FAM162A: variants seen among roughly 807,000 people sequenced by gnomAD.
The protein encoded by FAM162A is protein FAM162A.
A neutral mutation model predicts 21.8 loss-of-function variants in FAM162A; 23 were observed. The observed-to-expected ratio is 1.05, with a 90% CI of 0.76 to 1.49. FAM162A has a LOEUF of 1.49. FAM162A is among the 40% of genes most tolerant of loss of function. The probability of loss-of-function intolerance (pLI) is 0.00; values close to 1 mark genes in which losing one functional copy is unlikely to be tolerated. For missense variants in FAM162A, 165 were observed against 186.4 expected (o/e 0.89, Z 0.67); for synonymous variants, 53 against 61.3 (o/e 0.86, Z 0.64).
At chr3:122,389,387 A>AGG (rs2075589191) in intron 1 of FAM162A, among the ~76,000 whole-genome samples, 1 of 46,152 alleles carries the variant, frequency 2.2e-5, no homozygotes, top group Non-Finnish European at 5.1e-5. Context: ...AGATGGATAG[A>AGG]TAGATAGATA....
At chr3:122,385,294 G>T (rs1175014916) in intron 1 of FAM162A, among the ~76,000 whole-genome samples, 1 of 152,106 alleles carries the variant, frequency 6.6e-6, no homozygotes, top group African/African-American at 2.4e-5. Flanking sequence ...GTAGAGAATG[G>T]ACTGGAAAAC....
At chr3:122,389,568 T>C (rs1430822392) in intron 1 of FAM162A, among the ~76,000 whole-genome samples, 2 of 152,304 alleles carry the variant, frequency 1.3e-5, no homozygotes, top group African/African-American at 2.4e-5. Flanking sequence ...ACATTACTTA[T>C]AACACTGAAA....
At chr3:122,389,114 T>C (rs1243610396) in intron 1 of FAM162A, among the ~76,000 whole-genome samples, 3 of 152,130 alleles carry the variant, frequency 2.0e-5, no homozygotes, top group Admixed American at 6.5e-5. Context: ...GTAATTTTAG[T>C]AAAATGATTG....
Position 122,407,303 on chromosome 3 carries a change from A to G in FAM162A, c.286A>G (p.Lys96Glu), listed in dbSNP as rs755576427. 8.1e-6 allele frequency: 13 copies of G among 1,613,960 alleles called. No individual in the cohort carries two copies. The highest frequency in any genetic ancestry group is 1.1e-5 in the Non-Finnish European group (13 of 1,179,956). Residue 96 changes from lysine to glutamate, a missense_variant, in exon 4 of 5, where the codon AAG becomes GAG. Lys to Glu is a moderately conservative substitution (Grantham distance 56). Transcript: ENST00000477892. ...TVSLEMLDAA[K>E]NKMRVKISYL... ...TAGGTTGGAGATGCTTGATGCTGCA[A>G]AGAACAAGATGCGAGTGAAGATCAG...
intron 1 of FAM162A, among the ~76,000 whole-genome samples, chr3:122,386,945 T>G (rs557031373): frequency 6.6e-6 from 1 of 152,294 alleles, no homozygotes; most frequent in South Asian, 2.1e-4. Flanking sequence ...TTCATGCTCT[T>G]TAAGTTAAAA....
chr3:122,385,452 AT>A (rs2075570800), intron 1 of FAM162A, among the ~76,000 whole-genome samples: 1 of 152,234 alleles, frequency 6.6e-6, no homozygotes, highest in Non-Finnish European at 1.5e-5. Context: ...TCCTATTAAC[AT>A]TATGAAGCTT....
At chr3:122,401,117 AAC>A (rs1442399655) in intron 1 of FAM162A, among the ~76,000 whole-genome samples, 1 of 149,368 alleles carries the variant, frequency 6.7e-6, no homozygotes, top group East Asian at 2.0e-4. Flanking sequence ...TTTTTCATAA[AAC>A]AGTGATTTTC....
At chr3:122,396,611 C>T (rs897829748) in intron 1 of FAM162A, among the ~76,000 whole-genome samples, 1 of 152,118 alleles carries the variant, frequency 6.6e-6, no homozygotes, top group African/African-American at 2.4e-5. Context: ...AATTATATCA[C>T]CCAGTTGTTT....
intron 1 of FAM162A, among the ~76,000 whole-genome samples, chr3:122,396,946 T>G (rs2075631284): frequency 1.2e-5 from 1 of 80,314 alleles, no homozygotes; most frequent in African/African-American, 4.9e-5. Flanking sequence ...CTTTTAGGGT[T>G]GGGGGAAGGA....
At chr3:122,392,987 C>T (rs62271973) in intron 1 of FAM162A, among the ~76,000 whole-genome samples, 2,382 of 152,192 alleles carry the variant, frequency 0.016, 28 homozygotes, top group Non-Finnish European at 0.025. Flanking sequence ...TTCCATTTAA[C>T]CCTCAAATCA....
In FAM162A at chr3:122,386,374, C is replaced by A. The variant is rs550170768; in HGVS notation, c.34+2075C>A. On this transcript the variant is annotated intron_variant, in intron 1 of 4. Transcript: ENST00000477892. ...GACCAGCCTGGCTAACTTAGCAAGA[C>A]CCTGTCTCTACAAAAAAAACTTTTA... Among the ~76,000 whole-genome samples, 12 of 152,014 alleles carry A rather than the reference C, an allele frequency of 7.9e-5. No individual in the cohort carries two copies. The East Asian group carries it at 2.1e-3, about 27-fold the overall frequency.
intron 1 of FAM162A, among the ~76,000 whole-genome samples, chr3:122,400,797 AGCCTGG>A (rs1251405554): frequency 6.6e-6 from 1 of 152,154 alleles, no homozygotes; most frequent in Non-Finnish European, 1.5e-5. Context: ...ACTGCACTCC[AGCCTGG>A]GCACCAAGAG....
intron 4 of FAM162A, among the ~76,000 whole-genome samples, chr3:122,409,096 GTTTCACTA>G (rs1426675984): frequency 6.7e-6 from 1 of 150,070 alleles, no homozygotes; most frequent in Admixed American, 6.7e-5. Flanking sequence ...TAGGGTGCTA[GTTTCACTA>G]TTTGGTATAA....
chr3:122,400,085 C>T (rs997593293), intron 1 of FAM162A, among the ~76,000 whole-genome samples: 4 of 152,090 alleles, frequency 2.6e-5, no homozygotes, highest in Admixed American at 2.6e-4. Context: ...GCCTGGGCAA[C>T]AAGAGCAAAA....
rs193116308 is a variant in FAM162A, at chr3:122,406,192, G to A, written c.264-1089G>A. Among the ~76,000 whole-genome samples, 24 of 152,280 alleles carry A rather than the reference G, an allele frequency of 1.6e-4. No individual in the cohort carries two copies. In the East Asian group the frequency reaches 4.4e-3, roughly 28 times the overall value. ...ATCACTTCCTATTTACACATCTACT[G>A]AGAAGGCCATAAGTTAATCCTGGGC... On this transcript the variant is annotated intron_variant, in intron 3 of 4. Transcript: ENST00000477892.
At chr3:122,389,412 TAGATAGATAGATAGATAGATAGATG>T (rs1201777928) in intron 1 of FAM162A, among the ~76,000 whole-genome samples, 3 of 151,830 alleles carry the variant, frequency 2.0e-5, no homozygotes, top group African/African-American at 7.3e-5. Context: ...GATAGATAGA[TAGATAGATAGATAGATAGATAGATG>T]AGATAGATAG....
intron 1 of FAM162A, among the ~76,000 whole-genome samples, chr3:122,396,278 G>T (rs1021525680): frequency 1.3e-5 from 2 of 151,758 alleles, no homozygotes; most frequent in African/African-American, 4.8e-5. Context: ...ATCAGATAAG[G>T]AAAGAACTCT....
At chr3:122,397,772 G>A (rs1031967764) in intron 1 of FAM162A, among the ~76,000 whole-genome samples, 8 of 152,090 alleles carry the variant, frequency 5.3e-5, no homozygotes, top group Non-Finnish European at 5.9e-5. Flanking sequence ...CAAAACTAAT[G>A]TCTTAAATGT....
At chr3:122,407,554 G>C (rs1384694362) in intron 4 of FAM162A, 165 bp downstream of exon 4, 1 of 538,242 alleles carries the variant, frequency 1.9e-6, no homozygotes, top group African/African-American at 1.9e-5. Context: ...AACAAGCCTG[G>C]AATATCATCC....
Sources: allele counts gnomAD v4.1 joint callset (sites outside exome capture counted in the v4.1 genomes callset), GRCh38; gene constraint gnomAD v4.1.1; transcripts MANE v1.5; gene names NCBI Gene and HGNC (gene_info 2026-07-23, HGNC 2026-07-21).